The following ATM variants were observed in gnomAD, a reference collection of about 807,000 sequenced individuals.
The protein encoded by ATM is ATM serine/threonine kinase, also known as serine-protein kinase ATM.
In ATM, 308 loss-of-function variants were observed where a neutral mutation model predicts 387.0. The ratio of observed to expected loss-of-function variants is 0.80; its 90% CI spans 0.73 to 0.87. ATM has a LOEUF of 0.87. Ranked by LOEUF, ATM falls within the 40% of genes least tolerant of loss-of-function variation. The probability of loss-of-function intolerance (pLI) is 0.00; values close to 1 mark genes in which losing one functional copy is unlikely to be tolerated. For synonymous variants in ATM, 1,156 were observed against 1,187.3 expected, an observed-to-expected ratio of 0.97 and a Z score of 0.54; for missense variants, 3,312 against 3,560.9, an observed-to-expected ratio of 0.93 and a Z score of 1.78.
intron 26 of ATM, among the ~76,000 whole-genome samples, chr11:108,286,424 G>C (rs1001834106): frequency 6.6e-6 from 1 of 151,418 alleles, no homozygotes; most frequent in African/African-American, 2.4e-5. Flanking sequence ...ATACTCCACA[G>C]AGTGGGAGTG....
chr11:108,354,680 T>G, intron 60 of ATM, 131 bp from the exon 61 acceptor site: 1 of 836,102 alleles, frequency 1.2e-6, no homozygotes, highest in Non-Finnish European at 2.1e-6. Context: ...AGTATTATGC[T>G]ATTTTGAGAT....
intron 5 of ATM, among the ~76,000 whole-genome samples, chr11:108,237,217 G>A (rs2079323690): frequency 6.6e-6 from 1 of 152,172 alleles, no homozygotes; most frequent in African/African-American, 2.4e-5. Context: ...ACACAAGATA[G>A]GCTGTGTCTG....
In ATM at chr11:108,268,499, A is replaced by G. The variant is rs1265391373; in HGVS notation, c.2728A>G (p.Thr910Ala). 7.4e-6 allele frequency: 12 copies of G among 1,613,952 alleles called. No individual in the cohort carries two copies. The highest frequency in any genetic ancestry group is 1.7e-5 in the Admixed American group (1 of 60,006). ...CAAGTTCTTGTGTTTGTGTGTAACTACTGCTCAGACCAATACTGTGTCCTT... is the reference window on the plus strand; with the variant it reads ...CAAGTTCTTGTGTTTGTGTGTAACTGCTGCTCAGACCAATACTGTGTCCTT... Reference protein sequence around the residue: ...MLKFLCLCVTTAQTNTVSFRA... With the variant: ...MLKFLCLCVTAAQTNTVSFRA... Residue 910 changes from threonine (T) to alanine (A), a missense_variant, in exon 18 of 63, where the codon ACT (threonine) becomes GCT (alanine). Coordinates refer to ENST00000675843, the MANE Select transcript of ATM (RefSeq NM_000051.4).
In ATM at chr11:108,282,734, T is replaced by A. The variant is rs576884305; in HGVS notation, c.3601T>A (p.Phe1201Ile). The change falls in exon 25 of 63, where the codon TTT (phenylalanine) becomes ATT (isoleucine). Residue 1201 changes from phenylalanine to isoleucine, a missense_variant. Transcript: ENST00000675843. ...KKVLEKVSET[F>I]GYRRLEDFMA... is the part of the protein sequence containing the mutation. ...GGTTTTAGAGAAAGTTTCTGAAACT[T>A]TTGGATATAGACGTTTAGAAGACTT... The A allele has an allele frequency of 8.7e-6, 14 of 1,613,416 alleles. No individual in the cohort carries two copies. The African/African-American group carries it at 1.1e-4, about 12-fold the overall frequency.
intron 1 of ATM, chr11:108,223,398 C>T (rs998128510): frequency 6.6e-6 from 1 of 152,446 alleles, no homozygotes; most frequent in African/African-American, 2.4e-5. Flanking sequence ...CTGAATTGAA[C>T]CCTGCCTCCT....
At chr11:108,336,035 G>A in intron 56 of ATM, 74 bp downstream of exon 56, 1 of 1,155,934 alleles carries the variant, frequency 8.7e-7, no homozygotes, top group Non-Finnish European at 1.3e-6. Flanking sequence ...AGTGGCTCAT[G>A]CCCATATTCA....
At chr11:108,325,237 A>T in intron 45 of ATM, 73 bp from the exon 46 acceptor site, 2 of 1,037,126 alleles carry the variant, frequency 1.9e-6, no homozygotes, top group Non-Finnish European at 2.8e-6. Flanking sequence ...CGTAAGTTCC[A>T]GAACTTACAT....
At position 108,349,716 on chromosome 11, in the gene ATM, G is replaced by A. The variant is rs117851739; in HGVS notation, c.8671+2351G>A. On this transcript the variant is annotated intron_variant, in intron 59 of 62. Coordinates refer to ENST00000675843, the MANE Select transcript of ATM (RefSeq NM_000051.4). Reference sequence around the variant, plus strand: ...GAAGTTTAGAAGGGAAGGGAAGGATGGCAGAGAAATTTGCTGCAGGAATGA... The same window carrying A: ...GAAGTTTAGAAGGGAAGGGAAGGATAGCAGAGAAATTTGCTGCAGGAATGA... Among the ~76,000 whole-genome samples, 45 of 152,256 alleles carry A rather than the reference G, an allele frequency of 3.0e-4. No homozygotes were observed. The East Asian group carries it at 7.7e-3, about 26-fold the overall frequency.
At chr11:108,283,478 A>C (rs190218544) in intron 25 of ATM, among the ~76,000 whole-genome samples, 1 of 152,272 alleles carries the variant, frequency 6.6e-6, no homozygotes, top group African/African-American at 2.4e-5. Flanking sequence ...TGTGTTATGG[A>C]CTTTGCTATG....
chr11:108,312,456 C>T lies in ATM; in HGVS notation c.5964C>T (p.Ser1988=), dbSNP rs774260725. 3.8e-6 allele frequency: 6 copies of T among 1,596,580 alleles called. No homozygotes were observed. In the East Asian group the frequency reaches 1.3e-4, roughly 36 times the overall value. The change falls in exon 40 of 63, where the codon AGC becomes AGT. Residue 1988 remains serine, a synonymous_variant. Coordinates refer to ENST00000675843, the MANE Select transcript of ATM (RefSeq NM_000051.4). Reference sequence around the variant, plus strand: ...GAAGCCAGAGTACAACTATTTCTAGCTTGAGTGAAAAAAGTAAAGAAGAAA... The same window carrying T: ...GAAGCCAGAGTACAACTATTTCTAGTTTGAGTGAAAAAAGTAAAGAAGAAA... The part of the protein sequence containing the change: ...EEGSQSTTIS[S]LSEKSKEETG...
chr11:108,331,228 A>G, intron 50 of ATM: 1 of 1,257,808 alleles, frequency 8.0e-7, no homozygotes, highest in Non-Finnish European at 1.0e-6. Flanking sequence ...TTAATTTAGG[A>G]CCAAATATTT....
chr11:108,305,781 A>G (rs1295404095), intron 37 of ATM, among the ~76,000 whole-genome samples: 1 of 152,214 alleles, frequency 6.6e-6, no homozygotes, highest in African/African-American at 2.4e-5. Flanking sequence ...TGTATAATAC[A>G]TATATGCATG....
chr11:108,290,817 T>C lies in ATM; in HGVS notation c.4436+1016T>C, dbSNP rs554837017. 4.7e-5 allele frequency: 7 copies of C among 148,862 alleles called. No individual in the cohort carries two copies. In the East Asian group the frequency reaches 7.9e-4, roughly 17 times the overall value. 9.2% of individuals were successfully genotyped at this position (148,862 alleles called of 1,614,324 possible). ...ATGCCTGGGCAACAGAGTGAGACTT[T>C]CACTCAATTAAAAAAAAAAAAAAAA... On this transcript the variant is annotated intron_variant, in intron 29 of 62. Transcript: ENST00000675843.
chr11:108,301,807 T>C lies in ATM; in HGVS notation c.5319+18T>C. On this transcript the variant is annotated intron_variant, in intron 35 of 62. Coordinates refer to ENST00000675843, the MANE Select transcript of ATM (RefSeq NM_000051.4). ...GAAAAAAGGTCTCTTAAGTAATAAA[T>C]GTTTATTGAATACCCAGCATATCTA... 6.2e-7 allele frequency: 1 copy of C among 1,612,186 alleles called. No individual in the cohort carries two copies. The highest frequency in any genetic ancestry group is 8.5e-7 in the Non-Finnish European group (1 of 1,178,710).
At chr11:108,365,292 A>G (rs755440746) in intron 62 of ATM, 33 bp from the exon 63 acceptor site, 2 of 1,614,024 alleles carry the variant, frequency 1.2e-6, no homozygotes, top group Admixed American at 3.3e-5. Context: ...TAAACTGTTC[A>G]CCTCACTGAA....
At chr11:108,268,649 G>T (rs745417415) in intron 18 of ATM, 40 bp downstream of exon 18, 2 of 1,582,756 alleles carry the variant, frequency 1.3e-6, no homozygotes, top group Non-Finnish European at 1.7e-6. Context: ...GATTTTATCT[G>T]ATGTTGCTGA....
intron 61 of ATM, chr11:108,355,456 A>G: frequency 6.4e-6 from 1 of 157,126 alleles, no homozygotes; most frequent in South Asian, 1.9e-4. Flanking sequence ...AGGGCAGAAA[A>G]AAGGAAGTCA....
intron 59 of ATM, among the ~76,000 whole-genome samples, chr11:108,351,801 A>G (rs2137223136): frequency 6.6e-6 from 1 of 152,354 alleles, no homozygotes; most frequent in African/African-American, 2.4e-5. Flanking sequence ...CTGGGACTCC[A>G]GTAACCCTAT....
chr11:108,299,256 T>C (rs912096899), intron 33 of ATM, among the ~76,000 whole-genome samples: 7 of 152,080 alleles, frequency 4.6e-5, no homozygotes, highest in African/African-American at 1.7e-4. Context: ...TTTAAGATTA[T>C]GGAATTTGTG....
Sources: gnomAD v4.1 joint callset for allele counts (sites outside exome capture counted in the v4.1 genomes callset) on GRCh38, gnomAD v4.1.1 for gene constraint, MANE v1.5 for transcripts, NCBI Gene and HGNC (gene_info 2026-07-23, HGNC 2026-07-21) for gene names.